Variants in SMOC2 observed in about 807,000 individuals in gnomAD.
SMOC2 encodes the protein SPARC-related modular calcium-binding protein 2.
A neutral mutation model predicts 61.4 loss-of-function variants in SMOC2; 39 were observed. That is an observed-to-expected ratio of 0.64 (90% CI 0.49 to 0.83). SMOC2 has a LOEUF of 0.83. SMOC2 is among the 40% of genes least tolerant of loss of function. The pLI is 0.00. For synonymous variants in SMOC2, 247 were observed against 239.9 expected (o/e 1.03, Z -0.27); for missense variants, 556 against 592.9 (o/e 0.94, Z 0.65).
chr6:168,518,936 T>C (rs1430257216), intron 2 of SMOC2, among the ~76,000 whole-genome samples: 1 of 151,578 alleles, frequency 6.6e-6, no homozygotes, highest in Admixed American at 6.6e-5. Flanking sequence ...TGCGTGCATA[T>C]GCTTGCATGT....
intron 1 of SMOC2, among the ~76,000 whole-genome samples, chr6:168,495,489 C>T (rs1402463144): frequency 6.6e-6 from 1 of 152,186 alleles, no homozygotes; most frequent in Non-Finnish European, 1.5e-5. Flanking sequence ...CTATAAAGTA[C>T]AGATCGTAGA....
chr6:168,501,284 T>C (rs1782722303), intron 1 of SMOC2, among the ~76,000 whole-genome samples: 1 of 152,166 alleles, frequency 6.6e-6, no homozygotes, highest in Admixed American at 6.5e-5. Context: ...AGGAAAAACA[T>C]CCATTTTCAT....
intron 6 of SMOC2, among the ~76,000 whole-genome samples, chr6:168,547,816 T>C (rs1784042558): frequency 6.6e-6 from 1 of 151,962 alleles, no homozygotes; most frequent in Admixed American, 6.6e-5. Context: ...CCTGATGTCT[T>C]TGGAGCGAGG....
Position 168,582,337 on chromosome 6 carries a change from C to T in SMOC2, c.638-16481C>T, listed in dbSNP as rs191980783. 7.9e-5 allele frequency among the ~76,000 whole-genome samples: 12 copies of T among 152,200 alleles called. No individual in the cohort carries two copies. The East Asian group carries it at 2.3e-3, about 30-fold the overall frequency. ...AATTATAGCTGGAGATGTGTGAGAC[C>T]GTTACTAGCTCTCCCCACTTTGTTG... On this transcript the variant is annotated intron_variant, in intron 7 of 12. Coordinates refer to ENST00000356284, the MANE Select transcript of SMOC2 (RefSeq NM_001166412.2).
chr6:168,584,703 C>G (rs1487748726), intron 7 of SMOC2, among the ~76,000 whole-genome samples: 1 of 152,112 alleles, frequency 6.6e-6, no homozygotes, highest in Non-Finnish European at 1.5e-5. Context: ...CTTAGAATTC[C>G]TATTTTATGC....
intron 9 of SMOC2, among the ~76,000 whole-genome samples, chr6:168,615,312 G>A (rs113641449): frequency 0.27 from 5,277 of 19,504 alleles, 269 homozygotes; most frequent in Non-Finnish European, 0.3. Context: ...CAGCCAGCAC[G>A]GGGCCTCTTC....
intron 4 of SMOC2, among the ~76,000 whole-genome samples, chr6:168,528,998 TA>T (rs774133396): frequency 2.2e-4 from 34 of 152,312 alleles, no homozygotes; most frequent in Non-Finnish European, 3.2e-4. Flanking sequence ...GCAGTGGGGA[TA>T]GGGGCATCTA....
intron 1 of SMOC2, among the ~76,000 whole-genome samples, chr6:168,482,712 T>TGTGG (rs908021150): frequency 6.6e-6 from 1 of 152,064 alleles, no homozygotes; most frequent in African/African-American, 2.4e-5. Flanking sequence ...ACCATGATCA[T>TGTGG]GTGGGATTTA....
chr6:168,658,509 C>T (rs1187870391), intron 11 of SMOC2, among the ~76,000 whole-genome samples: 3 of 152,208 alleles, frequency 2.0e-5, no homozygotes, highest in South Asian at 2.1e-4. Flanking sequence ...GCACCTGAAA[C>T]GTAAGCCACG....
intron 11 of SMOC2, among the ~76,000 whole-genome samples, chr6:168,662,710 G>A (rs190321613): frequency 6.2e-4 from 95 of 152,276 alleles, no homozygotes; most frequent in Admixed American, 2.9e-3. Context: ...GTGTCTGCTC[G>A]GGTCCACGTG....
intron 1 of SMOC2, among the ~76,000 whole-genome samples, chr6:168,489,481 C>T (rs1346461769): frequency 6.6e-6 from 1 of 151,022 alleles, no homozygotes; most frequent in East Asian, 2.0e-4. Flanking sequence ...TTGGATCACA[C>T]TGTTTTAGAA....
rs9355221 is a variant in SMOC2, at chr6:168,518,445, A to C, written c.257-7901A>C. Among the ~76,000 whole-genome samples, 488 of 130,222 alleles carry C rather than the reference A, an allele frequency of 3.7e-3. 6 individuals carry two copies. The East Asian group carries it at 0.038, about 10-fold the overall frequency. The allele number at this position is 130,222 out of a possible 152,430, so 85.4% of individuals were successfully genotyped here. A position where few individuals can be genotyped will look rare whatever the true frequency, so the allele number is the denominator to read the frequency against. On this transcript the variant is annotated intron_variant, in intron 2 of 12. Transcript: ENST00000356284. The stretch of plus-strand genomic sequence containing the variant: ...CATGAGTGTGCATGTGTGACTGTGA[A>C]TGTGTGAATGTGTGTATTCATGTGC...
intron 1 of SMOC2, among the ~76,000 whole-genome samples, chr6:168,478,154 C>T (rs533273666): frequency 1.1e-4 from 16 of 152,262 alleles, no homozygotes; most frequent in South Asian, 2.1e-4. Context: ...CATTCCCAAA[C>T]GTTAGGGTGA....
intron 9 of SMOC2, among the ~76,000 whole-genome samples, chr6:168,648,801 T>C (rs911944): frequency 0.35 from 53,922 of 152,082 alleles, 9,616 homozygotes; most frequent in African/African-American, 0.41. Context: ...CTGTGGAGTC[T>C]TGCTATCGGC....
intron 1 of SMOC2, 145 bp downstream of exon 1, chr6:168,441,599 C>A: frequency 2.5e-6 from 3 of 1,200,522 alleles, no homozygotes; most frequent in Non-Finnish European, 3.2e-6. Flanking sequence ...CTTCGCCTGC[C>A]GGCGAGGCTG....
intron 9 of SMOC2, among the ~76,000 whole-genome samples, chr6:168,630,449 G>A (rs1786538308): frequency 6.6e-6 from 1 of 152,178 alleles, no homozygotes. Flanking sequence ...GCCTATGCCT[G>A]TCTTTACTTT....
chr6:168,548,736 A>G (rs1166072076), intron 6 of SMOC2, among the ~76,000 whole-genome samples: 1 of 152,176 alleles, frequency 6.6e-6, no homozygotes, highest in South Asian at 2.1e-4. Flanking sequence ...GGCAAAAGTT[A>G]TACTTCACAT....
At chr6:168,622,870 C>T (rs981421792) in intron 9 of SMOC2, among the ~76,000 whole-genome samples, 4 of 152,136 alleles carry the variant, frequency 2.6e-5, no homozygotes, top group Admixed American at 6.5e-5. Context: ...TCTCGGAGAC[C>T]GACACCATGC....
intron 1 of SMOC2, among the ~76,000 whole-genome samples, chr6:168,441,933 C>A (rs1306103824): frequency 6.6e-6 from 1 of 152,136 alleles, no homozygotes; most frequent in Non-Finnish European, 1.5e-5. Flanking sequence ...GGGCGCCCAC[C>A]TCGCCCACGG....
Sources: allele counts gnomAD v4.1 joint callset (sites outside exome capture counted in the v4.1 genomes callset), GRCh38; gene constraint gnomAD v4.1.1; transcripts MANE v1.5; gene names NCBI Gene and HGNC (gene_info 2026-07-23, HGNC 2026-07-21).